Variants in TSHZ1 observed in about 807,000 individuals in gnomAD.
The protein encoded by TSHZ1 is teashirt homolog 1.
In TSHZ1, 12 loss-of-function variants were observed where a neutral mutation model predicts 67.1. The ratio of observed to expected loss-of-function variants is 0.18; its 90% confidence interval spans 0.11 to 0.29. TSHZ1 has a LOEUF of 0.29. TSHZ1 is among the 10% of genes least tolerant of loss of function. The probability of loss-of-function intolerance (pLI) is 1.00; values close to 1 mark genes in which losing one functional copy is unlikely to be tolerated. For missense variants in TSHZ1, 1,305 were observed against 1,413.9 expected (o/e 0.92, Z 1.23); for synonymous variants, 632 against 622.4 (o/e 1.02, Z -0.23).
chr18:75,241,424 C>T (rs999026375), intron 1 of TSHZ1, among the ~76,000 whole-genome samples: 3 of 152,156 alleles, frequency 2.0e-5, no homozygotes, highest in South Asian at 2.1e-4. Flanking sequence ...CTTGCTGCAT[C>T]GCTGATGGGG....
chr18:75,214,337 G>A (rs1054067867), intron 1 of TSHZ1, among the ~76,000 whole-genome samples: 3 of 152,128 alleles, frequency 2.0e-5, no homozygotes, highest in African/African-American at 4.8e-5. Flanking sequence ...CATCTTAAGC[G>A]TTTAATAAGG....
At chr18:75,245,921 T>G (rs1398836275) in intron 1 of TSHZ1, among the ~76,000 whole-genome samples, 1 of 152,218 alleles carries the variant, frequency 6.6e-6, no homozygotes, top group Non-Finnish European at 1.5e-5. Flanking sequence ...TTCTGATTAG[T>G]CTTAGTGTTA....
intron 1 of TSHZ1, among the ~76,000 whole-genome samples, chr18:75,248,450 C>T (rs891223349): frequency 6.6e-6 from 1 of 152,182 alleles, no homozygotes; most frequent in African/African-American, 2.4e-5. Flanking sequence ...CAGGCATTAC[C>T]TTGTGATTGT....
chr18:75,287,787 C>T lies in TSHZ1; in HGVS notation c.2380C>T (p.Gln794Ter). Residue 794 changes from glutamine to a stop codon, truncating the protein, a stop_gained, in exon 2 of 2, where the codon CAG becomes TAG. Coordinates refer to ENST00000580243, the MANE Select transcript of TSHZ1 (RefSeq NM_001308210.2). LOFTEE classifies it high-confidence loss of function. This position sits in a 1 kb window ranked among gnomAD's most constrained non-coding sequence, Gnocchi z 5.0. ...KPVYPATPVK[Q>*]ADAIDRYYYE... ...GGTGTACCCCGCCACCCCTGTGAAGCAGGCCGATGCCATCGACCGCTACTA... is the reference window on the plus strand; with the variant it reads ...GGTGTACCCCGCCACCCCTGTGAAGTAGGCCGATGCCATCGACCGCTACTA... 1 of 1,614,196 alleles carries T rather than the reference C, an allele frequency of 6.2e-7. No homozygotes were observed. Among genetic ancestry groups the T allele is most frequent in the Non-Finnish European group, 8.5e-7 (1 of 1,180,050 alleles).
In TSHZ1 at chr18:75,287,883, G is replaced by T. The variant is rs143323516; in HGVS notation, c.2476G>T (p.Asp826Tyr). Reference protein sequence around the residue: ...KNKPLVSSVADSVASPLRESA... With the variant: ...KNKPLVSSVAYSVASPLRESA... ...CAAGCCGCTGGTGTCCAGCGTGGCT[G>T]ATTCGGTGGCATCACCTCTGCGGGA... The change falls in exon 2 of 2, where the codon GAT (aspartate) becomes TAT (tyrosine). Residue 826 changes from aspartate to tyrosine, a missense_variant. Asp to Tyr is a radical substitution (Grantham distance 160). Around this residue, in one of 3 missense-constraint regions of TSHZ1, gnomAD observed 909 missense variants for 961.8 expected, o/e 0.95. Coordinates refer to ENST00000580243, the MANE Select transcript of TSHZ1 (RefSeq NM_001308210.2). The surrounding 1 kb of genome is among the most constrained non-coding windows in gnomAD (Gnocchi z 5.0). The T allele has an allele frequency of 6.2e-7, 1 of 1,614,080 alleles. No homozygotes were observed. The highest frequency in any genetic ancestry group is 1.3e-5 in the African/African-American group (1 of 74,948).
chr18:75,219,834 C>T (rs2022822647), intron 1 of TSHZ1, among the ~76,000 whole-genome samples: 1 of 152,198 alleles, frequency 6.6e-6, no homozygotes, highest in African/African-American at 2.4e-5. Flanking sequence ...TTTGTACTGC[C>T]TGCTGGTTAC....
chr18:75,213,174 A>G (rs1187318348), intron 1 of TSHZ1, among the ~76,000 whole-genome samples: 2 of 152,242 alleles, frequency 1.3e-5, no homozygotes, highest in African/African-American at 4.8e-5. Flanking sequence ...ATTTGGGAAT[A>G]GTATCTACGT....
chr18:75,247,183 C>T (rs1045945397), intron 1 of TSHZ1, among the ~76,000 whole-genome samples: 1 of 152,112 alleles, frequency 6.6e-6, no homozygotes, highest in African/African-American at 2.4e-5. Context: ...GACCCACCAC[C>T]GACCGTACAC....
In TSHZ1 at chr18:75,286,400, T is replaced by C. The variant is rs201983072; in HGVS notation, c.993T>C (p.His331=). The part of the protein sequence containing the change: ...DLSVHMIKTK[H]YQKVPLKEPV... ...GCGTCCACATGATCAAAACCAAGCATTACCAGAAAGTGCCTCTGAAGGAGC... is the reference window on the plus strand; with the variant it reads ...GCGTCCACATGATCAAAACCAAGCACTACCAGAAAGTGCCTCTGAAGGAGC... Residue 331 remains histidine (H), a synonymous_variant, in exon 2 of 2, where the codon CAT becomes CAC. Transcript: ENST00000580243. The surrounding 1 kb of genome is among the most constrained non-coding windows in gnomAD (Gnocchi z 5.1). 144 of 1,614,084 alleles carry C rather than the reference T, an allele frequency of 8.9e-5. No homozygotes were observed. Among genetic ancestry groups the C allele is most frequent in the Admixed American group, 7.0e-4 (42 of 60,028 alleles).
chr18:75,228,920 A>G (rs2022960125), intron 1 of TSHZ1, among the ~76,000 whole-genome samples: 1 of 152,266 alleles, frequency 6.6e-6, no homozygotes, highest in Admixed American at 6.5e-5. Context: ...CATGTACCAG[A>G]AACCTGGGGC....
intron 1 of TSHZ1, among the ~76,000 whole-genome samples, chr18:75,266,165 G>A (rs527310567): frequency 8.5e-4 from 129 of 152,332 alleles, no homozygotes; most frequent in Admixed American, 2.0e-3. Context: ...TGATACACAT[G>A]TGGTGTGGGA....
At chr18:75,236,122 C>A (rs570786261) in intron 1 of TSHZ1, among the ~76,000 whole-genome samples, 1 of 152,178 alleles carries the variant, frequency 6.6e-6, no homozygotes, top group African/African-American at 2.4e-5. Flanking sequence ...AGGAAGTGTG[C>A]GTGTGTAACA....
chr18:75,275,241 G>A, intron 1 of TSHZ1, among the ~76,000 whole-genome samples: 1 of 152,188 alleles, frequency 6.6e-6, no homozygotes, highest in East Asian at 1.9e-4. Flanking sequence ...GTGGGTTTTG[G>A]AGACTGTGGA....
chr18:75,239,433 T>C (rs1046401804), intron 1 of TSHZ1, among the ~76,000 whole-genome samples: 15 of 152,160 alleles, frequency 9.9e-5, no homozygotes. Flanking sequence ...TAAATTTTTG[T>C]TTTAAACTTT....
intron 1 of TSHZ1, among the ~76,000 whole-genome samples, chr18:75,253,989 C>A (rs146713302): frequency 2.2e-4 from 34 of 152,234 alleles, no homozygotes; most frequent in Non-Finnish European, 7.3e-5. Context: ...GTTGCGTAAT[C>A]TCCAGATCCT....
intron 1 of TSHZ1, among the ~76,000 whole-genome samples, chr18:75,212,168 GGGGAGGCCGGGGGCCGC>G (rs1437148690): frequency 6.6e-6 from 1 of 152,180 alleles, no homozygotes; most frequent in Non-Finnish European, 1.5e-5. Flanking sequence ...CGGATGGCCG[GGGGAGGCCGGGGGCCGC>G]GGGACGGCGG....
intron 1 of TSHZ1, among the ~76,000 whole-genome samples, chr18:75,241,753 G>T (rs1386147496): frequency 6.6e-6 from 1 of 151,760 alleles, no homozygotes; most frequent in East Asian, 1.9e-4. Flanking sequence ...TGAGATCAAG[G>T]TGTTGGCAAG....
chr18:75,238,023 G>T (rs1235938467), intron 1 of TSHZ1, among the ~76,000 whole-genome samples: 2 of 152,080 alleles, frequency 1.3e-5, no homozygotes, highest in Non-Finnish European at 2.9e-5. Flanking sequence ...TGTTGGTCAG[G>T]CTGGGCACCT....
At position 75,263,451 on chromosome 18, in the gene TSHZ1, C is replaced by A. The variant is rs367881582; in HGVS notation, c.41-21997C>A. 8.3e-4 allele frequency among the ~76,000 whole-genome samples: 126 copies of A among 152,232 alleles called. 1 individual carries two copies. The highest frequency in any genetic ancestry group is 2.9e-3 in the African/African-American group (122 of 41,546). ...CAATAATCAATATATTCTCTGACAC[C>A]TTGTTGTATATTTTATAAATCCCTT... On this transcript the variant is annotated intron_variant, in intron 1 of 1. Transcript: ENST00000580243.
Sources: gnomAD v4.1 joint callset for allele counts (sites outside exome capture counted in the v4.1 genomes callset) on GRCh38, gnomAD v4.1.1 for gene constraint, gnomAD v4.1.1 regional missense constraint, Gnocchi (gnomAD v3.1) non-coding constraint, MANE v1.5 for transcripts, NCBI Gene and HGNC (gene_info 2026-07-23, HGNC 2026-07-21) for gene names.